The following KNTC1 variants were observed in gnomAD, a reference collection of about 807,000 sequenced individuals.
KNTC1 encodes kinetochore associated 1.
A neutral mutation model predicts 314.4 loss-of-function variants in KNTC1; 253 were observed. The observed-to-expected ratio is 0.80, with a 90% CI of 0.73 to 0.89. KNTC1 has a LOEUF of 0.89. KNTC1 is among the 40% of genes least tolerant of loss of function. The pLI is 0.00. For missense variants in KNTC1, 2,475 were observed against 2,572.9 expected (o/e 0.96, Z 0.82); for synonymous variants, 901 against 901.4 (o/e 1.00, Z 0.01).
intron 34 of KNTC1, among the ~76,000 whole-genome samples, chr12:122,583,851 G>A (rs781156000): frequency 2.0e-5 from 3 of 151,932 alleles, no homozygotes; most frequent in South Asian, 2.1e-4. Context: ...GGCTGGGCAC[G>A]GTGACTCACA....
intron 51 of KNTC1, chr12:122,609,152 T>C: frequency 6.3e-6 from 3 of 476,854 alleles, no homozygotes; most frequent in Non-Finnish European, 1.1e-5. Context: ...ATCTATATAC[T>C]TAGAATTGTG....
At position 122,614,986 on chromosome 12, in the gene KNTC1, T is replaced by C. The variant is rs956124685; in HGVS notation, c.5878-5T>C. 3 of 1,609,524 alleles carry C rather than the reference T, an allele frequency of 1.9e-6. No individual in the cohort carries two copies. Among genetic ancestry groups the C allele is most frequent in the Non-Finnish European group, 2.5e-6 (3 of 1,177,402 alleles). On this transcript the variant is annotated splice_polypyrimidine_tract_variant and splice_region_variant and intron_variant, in intron 55 of 63. Coordinates refer to ENST00000333479, the MANE Select transcript of KNTC1 (RefSeq NM_014708.6). Reference sequence around the variant, plus strand: ...AGCATGATTTTTTTCTTTTTTTGGCTTCAGGCAGTAAGATTGGTGACTGAG... The same window carrying C: ...AGCATGATTTTTTTCTTTTTTTGGCCTCAGGCAGTAAGATTGGTGACTGAG...
chr12:122,591,834 A>G (rs1311957833), intron 42 of KNTC1, among the ~76,000 whole-genome samples: 2 of 151,772 alleles, frequency 1.3e-5, no homozygotes, highest in Non-Finnish European at 2.9e-5. Context: ...TGCTTCAAGA[A>G]CTCCTAGTGA....
chr12:122,581,022 C>T (rs1965388359), intron 33 of KNTC1, among the ~76,000 whole-genome samples: 2 of 98,918 alleles, frequency 2.0e-5, no homozygotes, highest in South Asian at 7.9e-4. Context: ...ATCGAGACTC[C>T]ATCTCAAAAA....
chr12:122,552,693 G>A (rs1309863393), intron 16 of KNTC1, among the ~76,000 whole-genome samples: 1 of 152,186 alleles, frequency 6.6e-6, no homozygotes, highest in East Asian at 1.9e-4. Flanking sequence ...GCAGGTGATA[G>A]GAACCTGCTG....
rs766849327 is a variant in KNTC1 at position 122,576,901 on chromosome 12, G to A, written c.2593G>A (p.Val865Ile). The A allele has an allele frequency of 6.3e-7, 1 of 1,580,210 alleles. No individual in the cohort carries two copies. The highest frequency in any genetic ancestry group is 8.6e-7 in the Non-Finnish European group (1 of 1,167,318). Residue 865 changes from valine (V) to isoleucine (I), a missense_variant, in exon 30 of 64, where the codon GTT becomes ATT. By Grantham distance (29) the Val-to-Ile change is conservative (BLOSUM62 3). Transcript: ENST00000333479. Reference sequence around the variant, plus strand: ...TTCATATTGTCTTTTGCAGAGAGTGGTTAGATACATTCTCAAACAAGATGT... The same window carrying A: ...TTCATATTGTCTTTTGCAGAGAGTGATTAGATACATTCTCAAACAAGATGT... ...NLLNKEIMRV[V>I]RYILKQDVPS...
At chr12:122,584,586 T>G (rs1261836967) in intron 35 of KNTC1, 136 bp downstream of exon 35, 1 of 611,466 alleles carries the variant, frequency 1.6e-6, no homozygotes, top group Non-Finnish European at 2.8e-6. Context: ...AAAGGGATGC[T>G]TATAATTGAT....
chr12:122,624,531 G>T (rs1874799005), intron 62 of KNTC1, 67 bp from the exon 63 acceptor site: 1 of 1,165,170 alleles, frequency 8.6e-7, no homozygotes, highest in Non-Finnish European at 1.2e-6. Context: ...GCCTCCCTGA[G>T]TGCCGGGATT....
At chr12:122,549,945 T>C in intron 13 of KNTC1, 81 bp downstream of exon 13, 1 of 754,178 alleles carries the variant, frequency 1.3e-6, no homozygotes. Flanking sequence ...ATTAAAAGCC[T>C]TAATAATTAA....
chr12:122,590,724 G>A lies in KNTC1; in HGVS notation c.4117G>A (p.Asp1373Asn), dbSNP rs1398252293. Residue 1373 changes from aspartate (D) to asparagine (N), a missense_variant, in exon 41 of 64, where the codon GAC becomes AAC. Transcript: ENST00000333479. ...KLIDKAWQNYDKILAISLVGS... is the reference protein window; with the variant it reads ...KLIDKAWQNYNKILAISLVGS... Reference sequence around the variant, plus strand: ...CATAGATAAAGCATGGCAGAATTACGACAAAATCTTGGTATGTCCTAAGGA... The same window carrying A: ...CATAGATAAAGCATGGCAGAATTACAACAAAATCTTGGTATGTCCTAAGGA... The A allele has an allele frequency of 3.1e-6, 5 of 1,612,542 alleles. No individual in the cohort carries two copies. In the South Asian group the frequency reaches 3.3e-5, roughly 11 times the overall value.
rs1964804990 is a variant in KNTC1, at chr12:122,573,139, C to T, written c.2140-3C>T. ...TTTATTCCATCTTTCTTTTGGCATC[C>T]AGGAAAATACAACCACCATAGTGTT... On this transcript the variant is annotated splice_polypyrimidine_tract_variant and splice_region_variant and intron_variant, in intron 25 of 63. Transcript: ENST00000333479. 3.1e-6 allele frequency: 5 copies of T among 1,613,650 alleles called. No individual in the cohort carries two copies. The highest frequency in any genetic ancestry group is 1.3e-5 in the African/African-American group (1 of 74,998).
At chr12:122,549,050 G>T (rs1593512935) in intron 12 of KNTC1, among the ~76,000 whole-genome samples, 1 of 152,084 alleles carries the variant, frequency 6.6e-6, no homozygotes, top group Non-Finnish European at 1.5e-5. Flanking sequence ...TGTACTGTGT[G>T]TTTTATTTAT....
intron 22 of KNTC1, 111 bp from the exon 23 acceptor site, chr12:122,570,765 G>C (rs1964632212): frequency 6.7e-6 from 5 of 744,928 alleles, no homozygotes; most frequent in Non-Finnish European, 1.1e-5. Flanking sequence ...TCGTGGATAA[G>C]AGGTTTATGG....
At chr12:122,622,348 T>G in intron 61 of KNTC1, 114 bp from the exon 62 acceptor site, 2 of 1,003,356 alleles carry the variant, frequency 2.0e-6, no homozygotes, top group East Asian at 2.7e-5. Flanking sequence ...GGGCTTCCGA[T>G]TGTCAGAAAT....
At chr12:122,570,332 A>C (rs921311046) in intron 22 of KNTC1, among the ~76,000 whole-genome samples, 2 of 152,166 alleles carry the variant, frequency 1.3e-5, no homozygotes, top group Non-Finnish European at 2.9e-5. Flanking sequence ...CAGCCTGACC[A>C]ACATGGTGAA....
At chr12:122,546,765 T>C in intron 10 of KNTC1, 91 bp downstream of exon 10, 1 of 765,058 alleles carries the variant, frequency 1.3e-6, no homozygotes, top group Non-Finnish European at 2.2e-6. Flanking sequence ...TTAGCTAGGG[T>C]GGATAACTAT....
chr12:122,588,849 G>GTTTT, intron 40 of KNTC1, 33 bp downstream of exon 40: 3 of 1,224,464 alleles, frequency 2.5e-6, no homozygotes, highest in Non-Finnish European at 2.2e-6. Flanking sequence ...AATTTTGTTT[G>GTTTT]TTTTTTTTTT....
intron 38 of KNTC1, among the ~76,000 whole-genome samples, chr12:122,586,960 G>A (rs988302597): frequency 1.3e-5 from 2 of 152,104 alleles, no homozygotes; most frequent in East Asian, 3.9e-4. Context: ...GATTACAGGC[G>A]TGTGCCACCA....
intron 33 of KNTC1, among the ~76,000 whole-genome samples, chr12:122,581,117 T>C (rs902105948): frequency 1.3e-5 from 2 of 152,076 alleles, no homozygotes; most frequent in Non-Finnish European, 2.9e-5. Context: ...AACAGCTGTA[T>C]TGAGATGTAA....
Sources: gnomAD v4.1 joint callset for allele counts (sites outside exome capture counted in the v4.1 genomes callset) on GRCh38, gnomAD v4.1.1 for gene constraint, MANE v1.5 for transcripts, NCBI Gene and HGNC (gene_info 2026-07-23, HGNC 2026-07-21) for gene names.